SGCD: variants seen among roughly 807,000 people sequenced by gnomAD.
The protein encoded by SGCD is delta-sarcoglycan.
A neutral mutation model predicts 36.6 loss-of-function variants in SGCD; 18 were observed. The observed-to-expected ratio is 0.49, with a 90% CI of 0.34 to 0.73. The LOEUF (loss-of-function observed/expected upper bound fraction) is 0.73. Ranked by LOEUF, SGCD falls within the 30% of genes least tolerant of loss-of-function variation. SGCD has a pLI of 0.01. For synonymous variants in SGCD, 133 were observed against 130.6 expected, an observed-to-expected ratio of 1.02 and a Z score of -0.12; for missense variants, 387 against 346.7, an observed-to-expected ratio of 1.12 and a Z score of -0.92.
intron 1 of SGCD, among the ~76,000 whole-genome samples, chr5:156,001,031 G>A (rs2127567938): frequency 6.6e-6 from 1 of 152,232 alleles, no homozygotes; most frequent in East Asian, 1.9e-4. Flanking sequence ...CCATCCAAGG[G>A]ATATCCATCA....
At chr5:156,237,804 A>G (rs778606054) in intron 3 of SGCD, among the ~76,000 whole-genome samples, 3 of 152,156 alleles carry the variant, frequency 2.0e-5, no homozygotes, top group African/African-American at 4.8e-5. Context: ...GGTAAATATT[A>G]TTGAGCCCCA....
At chr5:156,272,111 T>C (rs1165511713) in intron 3 of SGCD, among the ~76,000 whole-genome samples, 1 of 152,168 alleles carries the variant, frequency 6.6e-6, no homozygotes, top group Middle Eastern at 3.2e-3. Flanking sequence ...AGTGCACCCA[T>C]CACTCAAGCA....
chr5:156,211,628 G>A (rs1392249214), intron 3 of SGCD, among the ~76,000 whole-genome samples: 3 of 150,002 alleles, frequency 2.0e-5, no homozygotes, highest in African/African-American at 4.9e-5. Context: ...AAAAAAAGAT[G>A]CAAGAAAACA....
At chr5:155,960,504 A>G (rs761900943) in intron 1 of SGCD, among the ~76,000 whole-genome samples, 5 of 152,126 alleles carry the variant, frequency 3.3e-5, no homozygotes, top group African/African-American at 4.8e-5. Context: ...ATCCTTTGAC[A>G]AAAACAGTAG....
In SGCD at chr5:156,094,282, C is replaced by G. The variant is rs150761441; in HGVS notation, c.-281-23596C>G. On this transcript the variant is annotated intron_variant, in intron 1 of 9. Coordinates refer to the SGCD transcript ENST00000517913. ...ACAGGCTGAGCTGCAGCTGCAGGAA[C>G]AGTCACTTCCAGAACAGCCAGATTC... Among the ~76,000 whole-genome samples, 29 of 152,300 alleles carry G rather than the reference C, an allele frequency of 1.9e-4. 1 individual carries two copies. In the East Asian group the frequency reaches 5.6e-3, roughly 29 times the overall value.
chr5:156,500,750 C>A (rs1463501537), intron 3 of SGCD, among the ~76,000 whole-genome samples: 1 of 152,120 alleles, frequency 6.6e-6, no homozygotes, highest in Non-Finnish European at 1.5e-5. Context: ...TCTTTAGTAT[C>A]CCTAGGAGTC....
chr5:155,947,444 A>G (rs976981460), intron 1 of SGCD, among the ~76,000 whole-genome samples: 3 of 151,978 alleles, frequency 2.0e-5, no homozygotes, highest in Non-Finnish European at 4.4e-5. Flanking sequence ...TTTGGTGAAG[A>G]ATGAGATTAC....
At chr5:156,738,645 A>G (rs1756500039) in intron 7 of SGCD, 3 of 152,228 alleles carry the variant, frequency 2.0e-5, no homozygotes, top group Admixed American at 1.3e-4. Flanking sequence ...TGTGGCCACT[A>G]CATACAACAG....
intron 7 of SGCD, among the ~76,000 whole-genome samples, chr5:156,692,403 G>C (rs1754150337): frequency 6.6e-6 from 1 of 152,186 alleles, no homozygotes; most frequent in Non-Finnish European, 1.5e-5. Flanking sequence ...GCAGCATGAT[G>C]GAGTGGGGAG....
intron 3 of SGCD, among the ~76,000 whole-genome samples, chr5:156,212,716 G>A (rs1000186402): frequency 1.3e-5 from 2 of 152,028 alleles, no homozygotes; most frequent in East Asian, 1.9e-4. Context: ...TCAAGTATAC[G>A]TGGAACATTT....
At chr5:156,515,711 C>A (rs144526452) in intron 4 of SGCD, among the ~76,000 whole-genome samples, 115 of 152,372 alleles carry the variant, frequency 7.5e-4, no homozygotes, top group Non-Finnish European at 1.4e-3. Flanking sequence ...CAGAGCTGTG[C>A]AGACTCTCAG....
At chr5:156,443,283 C>A (rs1320130648) in intron 3 of SGCD, among the ~76,000 whole-genome samples, 1 of 152,192 alleles carries the variant, frequency 6.6e-6, no homozygotes, top group Non-Finnish European at 1.5e-5. Context: ...CTGCACCCAG[C>A]CTTCTACCTT....
At chr5:155,958,051 A>T (rs543229813) in intron 1 of SGCD, among the ~76,000 whole-genome samples, 1 of 152,220 alleles carries the variant, frequency 6.6e-6, no homozygotes, top group African/African-American at 2.4e-5. Context: ...AGACAACGTT[A>T]TGAATGTCCT....
chr5:156,131,201 T>C (rs1008092151), intron 3 of SGCD, among the ~76,000 whole-genome samples: 18 of 152,198 alleles, frequency 1.2e-4, no homozygotes, highest in African/African-American at 4.3e-4. Flanking sequence ...CTGTGTAATA[T>C]GCAGTTTAGA....
chr5:156,643,383 T>C (rs1472088962), intron 6 of SGCD, among the ~76,000 whole-genome samples: 2 of 152,076 alleles, frequency 1.3e-5, no homozygotes, highest in Non-Finnish European at 2.9e-5. Context: ...GATACTATAT[T>C]ATACCGTGAG....
At chr5:156,324,057 C>A (rs1767742781), upstream of SGCD, among the ~76,000 whole-genome samples, 1 of 152,136 alleles carries the variant, frequency 6.6e-6, no homozygotes, top group Non-Finnish European at 1.5e-5. Context: ...AAGTTAAAAA[C>A]ATGACATATA....
chr5:156,102,974 GTA>G (rs1364096874), intron 1 of SGCD, among the ~76,000 whole-genome samples: 7 of 152,078 alleles, frequency 4.6e-5, no homozygotes, highest in Non-Finnish European at 1.0e-4. Context: ...GGATTACACA[GTA>G]TTTAGATTTT....
intron 1 of SGCD, among the ~76,000 whole-genome samples, chr5:155,970,788 A>G (rs995484820): frequency 2.0e-5 from 3 of 152,208 alleles, no homozygotes; most frequent in African/African-American, 7.2e-5. Context: ...TTTTACAGAT[A>G]GTAAATTGAT....
At position 156,075,647 on chromosome 5, in the gene SGCD, A is replaced by G. The variant is rs75958161; in HGVS notation, c.-281-42231A>G. Reference sequence around the variant, plus strand: ...GGGGTCCTGATGGATTTTGATGGGTAGAAAGAAACATAGTAATTATGGAAG... The same window carrying G: ...GGGGTCCTGATGGATTTTGATGGGTGGAAAGAAACATAGTAATTATGGAAG... On this transcript the variant is annotated intron_variant, in intron 1 of 9. Coordinates refer to the SGCD transcript ENST00000517913. 5.5e-3 allele frequency among the ~76,000 whole-genome samples: 837 copies of G among 152,318 alleles called. 6 individuals are homozygous for G. The highest frequency in any genetic ancestry group is 0.019 in the African/African-American group (805 of 41,586).
Sources: gnomAD v4.1 joint callset for allele counts (sites outside exome capture counted in the v4.1 genomes callset) on GRCh38, gnomAD v4.1.1 for gene constraint, MANE v1.5 for transcripts, NCBI Gene and HGNC (gene_info 2026-07-23, HGNC 2026-07-21) for gene names.